Variants in PLD5 observed in about 807,000 individuals in gnomAD.
PLD5 encodes phospholipase D family member 5.
Under a neutral mutation model 61.1 loss-of-function variants are expected in PLD5, and 36 were observed. That is an observed-to-expected ratio of 0.59 (90% CI 0.45 to 0.78). The LOEUF (loss-of-function observed/expected upper bound fraction) is 0.78, where lower values mean the gene tolerates loss of function less well. Ranked by LOEUF, PLD5 falls within the 30% of genes least tolerant of loss-of-function variation. The pLI, the probability that PLD5 is intolerant of heterozygous loss-of-function variation, is 0.00. For missense variants in PLD5, 515 were observed against 644.4 expected (o/e 0.80, Z 2.17); for synonymous variants, 243 against 242.8 (o/e 1.00, Z -0.01).
At chr1:242,198,703 A>G (rs1668795871) in intron 5 of PLD5, among the ~76,000 whole-genome samples, 1 of 90,642 alleles carries the variant, frequency 1.1e-5, no homozygotes, top group African/African-American at 6.9e-5. Flanking sequence ...GTCCTTAGCA[A>G]AAAAAAAAAA....
At chr1:242,509,539 A>T (rs1213563665) in intron 1 of PLD5, among the ~76,000 whole-genome samples, 1 of 152,134 alleles carries the variant, frequency 6.6e-6, no homozygotes, top group Non-Finnish European at 1.5e-5. Flanking sequence ...CCTCCTTTAC[A>T]CTTAGAGGAC....
At position 242,089,749 on chromosome 1, in the gene PLD5, G is replaced by T; in HGVS notation, c.*105C>A. On this transcript the variant is annotated 3_prime_UTR_variant, in exon 10 of 10. Coordinates refer to ENST00000536534, the MANE Select transcript of PLD5 (RefSeq NM_001372062.1). Reference sequence around the variant, plus strand: ...TTCAGAGAATATTTTTTATAAGTGTGCTTTTTCCCTAAAAAAAGAGACATA... The same window carrying T: ...TTCAGAGAATATTTTTTATAAGTGTTCTTTTTCCCTAAAAAAAGAGACATA... 7.1e-7 allele frequency: 1 copy of T among 1,400,170 alleles called. No homozygotes were observed. The highest frequency in any genetic ancestry group is 9.9e-7 in the Non-Finnish European group (1 of 1,012,158). 86.7% of individuals were successfully genotyped at this position (1,400,170 alleles called of 1,614,324 possible). A position where few individuals can be genotyped will look rare whatever the true frequency, so the allele number is the denominator to read the frequency against.
At chr1:242,130,809 G>T (rs575703075) in intron 5 of PLD5, among the ~76,000 whole-genome samples, 2 of 152,126 alleles carry the variant, frequency 1.3e-5, no homozygotes, top group East Asian at 3.9e-4. Context: ...TTGACTGAAT[G>T]GTTCAACCGT....
chr1:242,221,451 C>T (rs1405056716), intron 4 of PLD5, among the ~76,000 whole-genome samples: 1 of 152,196 alleles, frequency 6.6e-6, no homozygotes, highest in Non-Finnish European at 1.5e-5. Context: ...TACATTTCAG[C>T]ATATCAGAAA....
Position 242,417,593 on chromosome 1 carries a change from G to C in PLD5, c.190-69351C>G, listed in dbSNP as rs540520201. Among the ~76,000 whole-genome samples, 10 of 152,334 alleles carry C rather than the reference G, an allele frequency of 6.6e-5. No homozygotes were observed. The East Asian group carries it at 1.7e-3, about 26-fold the overall frequency. On this transcript the variant is annotated intron_variant, in intron 1 of 9. Coordinates refer to ENST00000536534, the MANE Select transcript of PLD5 (RefSeq NM_001372062.1). ...AAGGAGCAGTACCTATGCTGTTGCT[G>C]TTCACTGGTGCTTCAGTAAAAGTTG...
chr1:242,237,079 T>C (rs1384287536), intron 4 of PLD5, among the ~76,000 whole-genome samples: 4 of 152,216 alleles, frequency 2.6e-5, no homozygotes, highest in African/African-American at 9.7e-5. Context: ...CATGTGTGAT[T>C]GTGTTTTATG....
At chr1:242,355,235 G>A (rs999775563) in intron 1 of PLD5, among the ~76,000 whole-genome samples, 5 of 152,184 alleles carry the variant, frequency 3.3e-5, no homozygotes, top group African/African-American at 7.2e-5. Context: ...ATTCAGCAGC[G>A]AAGCCAACAG....
intron 1 of PLD5, among the ~76,000 whole-genome samples, chr1:242,366,782 C>A (rs970317344): frequency 6.6e-6 from 1 of 151,844 alleles, no homozygotes; most frequent in South Asian, 2.1e-4. Context: ...ATCCATAATG[C>A]CTGGCAGACA....
At chr1:242,360,683 G>T (rs921250545) in intron 1 of PLD5, among the ~76,000 whole-genome samples, 41 of 151,974 alleles carry the variant, frequency 2.7e-4, no homozygotes, top group African/African-American at 9.4e-4. Flanking sequence ...GTCCTTAAAT[G>T]TTCTTTCATA....
chr1:242,475,944 T>A lies in PLD5; in HGVS notation c.189+48144A>T, dbSNP rs141934327. On this transcript the variant is annotated intron_variant, in intron 1 of 9. Coordinates refer to ENST00000536534, the MANE Select transcript of PLD5 (RefSeq NM_001372062.1). ...CAGCCTCACAGGAAATCAACCCTGC[T>A]GCCACCTCAGTCTTGGACTCCCAGC... Among the ~76,000 whole-genome samples the A allele has an allele frequency of 1.2e-4, 19 of 152,288 alleles. No homozygotes were observed. In the East Asian group the frequency reaches 3.7e-3, roughly 29 times the overall value.
chr1:242,127,816 A>C (rs2148745622), intron 5 of PLD5, among the ~76,000 whole-genome samples: 1 of 152,294 alleles, frequency 6.6e-6, no homozygotes, highest in South Asian at 2.1e-4. Flanking sequence ...ATAAATAAAT[A>C]TAACGAAATC....
chr1:242,238,017 C>G (rs1313421433), intron 4 of PLD5, among the ~76,000 whole-genome samples: 1 of 152,002 alleles, frequency 6.6e-6, no homozygotes, highest in Non-Finnish European at 1.5e-5. Context: ...AACATAAATA[C>G]TTTTCTTAAC....
chr1:242,107,598 A>G, intron 8 of PLD5, 73 bp downstream of exon 8: 1 of 1,378,302 alleles, frequency 7.3e-7, no homozygotes, highest in Non-Finnish European at 9.8e-7. Context: ...ACATAGGCGT[A>G]TGCTTGCAGC....
chr1:242,503,639 C>CT (rs914809683), intron 1 of PLD5, among the ~76,000 whole-genome samples: 6 of 152,172 alleles, frequency 3.9e-5, no homozygotes, highest in African/African-American at 1.2e-4. Flanking sequence ...TTCCGTTTCC[C>CT]TTGCCAGCAA....
chr1:242,475,322 C>G (rs1667557421), intron 1 of PLD5, among the ~76,000 whole-genome samples: 1 of 148,646 alleles, frequency 6.7e-6, no homozygotes, highest in South Asian at 2.1e-4. Context: ...ACTCGGGAGG[C>G]TGAGGCAGGA....
intron 1 of PLD5, among the ~76,000 whole-genome samples, chr1:242,419,222 C>A (rs58046581): frequency 0.037 from 5,690 of 152,218 alleles, 385 homozygotes; most frequent in African/African-American, 0.13. Flanking sequence ...GTTCTTACAG[C>A]CTGCGTGACG....
At chr1:242,524,053 C>G (rs1572290687) in intron 1 of PLD5, 35 bp downstream of exon 1, 2 of 1,521,812 alleles carry the variant, frequency 1.3e-6, no homozygotes, top group Non-Finnish European at 1.8e-6. Context: ...GCGGCAGGTG[C>G]CTGGCCGAGG....
At chr1:242,341,336 T>C (rs1470713024) in intron 2 of PLD5, among the ~76,000 whole-genome samples, 1 of 152,154 alleles carries the variant, frequency 6.6e-6, no homozygotes, top group African/African-American at 2.4e-5. Context: ...GGTCTCTCAA[T>C]AGTGTCTTCT....
intron 1 of PLD5, among the ~76,000 whole-genome samples, chr1:242,394,138 GTA>G (rs1244596830): frequency 0.049 from 4,300 of 87,038 alleles, 252 homozygotes; most frequent in Non-Finnish European, 0.072. Flanking sequence ...ATATATATGA[GTA>G]TATATATGTG....
Sources: allele counts gnomAD v4.1 joint callset (sites outside exome capture counted in the v4.1 genomes callset), GRCh38; gene constraint gnomAD v4.1.1; transcripts MANE v1.5; gene names NCBI Gene and HGNC (gene_info 2026-07-23, HGNC 2026-07-21).